The following TSNAX variants were observed in gnomAD, a reference collection of about 807,000 sequenced individuals.
TSNAX encodes the protein translin associated factor X, also known as translin-associated protein X.
Under a neutral mutation model 33.0 loss-of-function variants are expected in TSNAX, and 12 were observed. The ratio of observed to expected loss-of-function variants is 0.36; its 90% confidence interval spans 0.23 to 0.59. TSNAX has a LOEUF of 0.59. Among genes scored for constraint, TSNAX ranks in the 20% least tolerant of loss-of-function variants. The pLI, the probability that TSNAX is intolerant of heterozygous loss-of-function variation, is 0.74. For missense variants in TSNAX, 267 were observed against 341.3 expected (o/e 0.78, Z 1.72); for synonymous variants, 110 against 117.2 (o/e 0.94, Z 0.40).
At chr1:231,533,663 A>G (rs1658941425) in intron 2 of TSNAX, among the ~76,000 whole-genome samples, 1 of 152,216 alleles carries the variant, frequency 6.6e-6, no homozygotes, top group Admixed American at 6.5e-5. Flanking sequence ...TGCAGTTGGA[A>G]AAATAGTACA....
At chr1:231,537,021 C>T (rs1175842620) in intron 2 of TSNAX, 192 bp from the exon 3 acceptor site, 26 of 360,492 alleles carry the variant, frequency 7.2e-5, no homozygotes, top group Middle Eastern at 7.4e-4. Context: ...TTAGTAGAGA[C>T]GGGGTTTCAC....
chr1:231,531,382 G>A (rs1658705120), intron 2 of TSNAX, among the ~76,000 whole-genome samples: 1 of 152,108 alleles, frequency 6.6e-6, no homozygotes, highest in Non-Finnish European at 1.5e-5. Context: ...CTATGTTCTC[G>A]CATGTATTAG....
At chr1:231,539,179 A>G (rs934874172) in intron 3 of TSNAX, among the ~76,000 whole-genome samples, 6 of 152,142 alleles carry the variant, frequency 3.9e-5, no homozygotes, top group African/African-American at 1.4e-4. Flanking sequence ...GAAAGAAGCA[A>G]TACTGTTCTT....
chr1:231,554,278 C>G (rs1660546103), intron 4 of TSNAX, among the ~76,000 whole-genome samples: 1 of 152,090 alleles, frequency 6.6e-6, no homozygotes, highest in African/African-American at 2.4e-5. Flanking sequence ...CTAGATAGTT[C>G]TGAATAATTG....
chr1:231,537,778 G>T (rs987413112), intron 3 of TSNAX, among the ~76,000 whole-genome samples: 2 of 151,552 alleles, frequency 1.3e-5, no homozygotes, highest in East Asian at 3.9e-4. Context: ...TGTAGGGGTT[G>T]GGTGGACTTA....
intron 4 of TSNAX, among the ~76,000 whole-genome samples, chr1:231,550,891 A>C (rs568280936): frequency 6.6e-6 from 1 of 152,306 alleles, no homozygotes; most frequent in Non-Finnish European, 1.5e-5. Context: ...GATACTTTGC[A>C]TATCAAATCA....
At chr1:231,533,068 CTT>C (rs746007509) in intron 2 of TSNAX, among the ~76,000 whole-genome samples, 13 of 136,352 alleles carry the variant, frequency 9.5e-5, no homozygotes, top group African/African-American at 1.3e-4. Flanking sequence ...CATGGGAAGT[CTT>C]TTTTTTTTTT....
chr1:231,546,718 TTCTC>T (rs1202822138), intron 4 of TSNAX, among the ~76,000 whole-genome samples: 1 of 152,258 alleles, frequency 6.6e-6, no homozygotes, highest in East Asian at 1.9e-4. Context: ...ATCGTTATCT[TTCTC>T]TCTTGAAGAC....
intron 5 of TSNAX, 93 bp from the exon 6 acceptor site, chr1:231,564,435 T>G: frequency 6.7e-7 from 1 of 1,496,286 alleles, no homozygotes; most frequent in Non-Finnish European, 8.9e-7. Context: ...ACTTCTATAA[T>G]AAATGTGATA....
chr1:231,550,234 C>G (rs957009789), intron 4 of TSNAX, among the ~76,000 whole-genome samples: 1 of 152,154 alleles, frequency 6.6e-6, no homozygotes, highest in Non-Finnish European at 1.5e-5. Flanking sequence ...CAGTCCATAA[C>G]AGATACTTTT....
In TSNAX at chr1:231,542,199, C is replaced by T. The variant is rs114954455; in HGVS notation, c.237-282C>T. On this transcript the variant is annotated intron_variant, in intron 3 of 5. Coordinates refer to ENST00000366639, the MANE Select transcript of TSNAX (RefSeq NM_005999.3). ...AAGGAGGGAGGATAAATCCAGTCCA[C>T]GTTACTCTGCCCTTACTGAAAGCAG... Among the ~76,000 whole-genome samples the T allele has an allele frequency of 1.8e-3, 272 of 152,240 alleles. 1 individual carries two copies. The highest frequency in any genetic ancestry group is 6.2e-3 in the African/African-American group (257 of 41,552).
chr1:231,533,733 C>T (rs1239262294), intron 2 of TSNAX, among the ~76,000 whole-genome samples: 1 of 151,586 alleles, frequency 6.6e-6, no homozygotes, highest in Non-Finnish European at 1.5e-5. Context: ...GCCACTTTTG[C>T]TTTATTATTC....
chr1:231,532,134 A>ACACG, intron 2 of TSNAX, among the ~76,000 whole-genome samples: 1 of 45,466 alleles, frequency 2.2e-5, no homozygotes, highest in African/African-American at 8.2e-5. Flanking sequence ...TGGTAATAAC[A>ACACG]CACACACACA....
chr1:231,557,681 A>C (rs1212663241), intron 4 of TSNAX, among the ~76,000 whole-genome samples: 1 of 152,154 alleles, frequency 6.6e-6, no homozygotes, highest in African/African-American at 2.4e-5. Flanking sequence ...ACATAAAGTG[A>C]GAACACCTAG....
At chr1:231,538,963 TC>T (rs2124894799) in intron 3 of TSNAX, among the ~76,000 whole-genome samples, 1 of 152,074 alleles carries the variant, frequency 6.6e-6, no homozygotes, top group African/African-American at 2.4e-5. Context: ...ACTGAAGTAT[TC>T]CGTTCAGTAA....
intron 4 of TSNAX, among the ~76,000 whole-genome samples, chr1:231,551,187 T>C (rs1002731232): frequency 6.6e-6 from 1 of 152,204 alleles, no homozygotes; most frequent in African/African-American, 2.4e-5. Flanking sequence ...GTGGCTATTA[T>C]AAGGATTAAG....
intron 4 of TSNAX, among the ~76,000 whole-genome samples, chr1:231,543,414 G>C (rs1659704545): frequency 6.6e-6 from 1 of 151,760 alleles, no homozygotes; most frequent in African/African-American, 2.4e-5. Context: ...TTTACTGCTT[G>C]AGCATCTCTA....
At position 231,529,255 on chromosome 1, in the gene TSNAX, G is replaced by A; in HGVS notation, c.17G>A (p.Gly6Glu). 6.2e-7 allele frequency: 1 copy of A among 1,613,928 alleles called. No homozygotes were observed. The highest frequency in any genetic ancestry group is 8.5e-7 in the Non-Finnish European group (1 of 1,179,956). MSNKE[G>E]SGGFRKRKHD... ...TCTCTTTTTTTCTTCTCTATATAAG[G>A]ATCAGGAGGGTTCAGGAAAAGGAAG... Residue 6 changes from glycine (G) to glutamate (E), a missense_variant and splice_region_variant, in exon 2 of 6, where the codon GGA (glycine) becomes GAA (glutamate). Coordinates refer to ENST00000366639, the MANE Select transcript of TSNAX (RefSeq NM_005999.3).
chr1:231,556,539 G>A (rs1365665872), intron 4 of TSNAX, among the ~76,000 whole-genome samples: 3 of 152,176 alleles, frequency 2.0e-5, no homozygotes, highest in Non-Finnish European at 4.4e-5. Context: ...AAATAGGATC[G>A]ACAGTGTTAC....
Sources: allele counts gnomAD v4.1 joint callset (sites outside exome capture counted in the v4.1 genomes callset), GRCh38; gene constraint gnomAD v4.1.1; transcripts MANE v1.5; gene names NCBI Gene and HGNC (gene_info 2026-07-23, HGNC 2026-07-21).